UMAD1: variants seen among roughly 807,000 people sequenced by gnomAD.
UMAD1 encodes the protein UBAP1-MVB12-associated (UMA)-domain containing protein 1.
In UMAD1, 8 loss-of-function variants were observed where a neutral mutation model predicts 6.1. The observed-to-expected ratio is 1.30, with a 90% CI of 0.76 to 2.35. The LOEUF (loss-of-function observed/expected upper bound fraction) is 2.35, where lower values mean the gene tolerates loss of function less well. Among genes scored for constraint, UMAD1 ranks in the 30% most tolerant of loss-of-function variants. The pLI, the probability that UMAD1 is intolerant of heterozygous loss-of-function variation, is 0.00. For synonymous variants in UMAD1, 56 were observed against 31.4 expected (o/e 1.78, Z -2.61); for missense variants, 130 against 78.4 (o/e 1.66, Z -2.49).
At chr7:7,835,546 T>C (rs551819904) in intron 3 of UMAD1, among the ~76,000 whole-genome samples, 1 of 147,962 alleles carries the variant, frequency 6.8e-6, no homozygotes, top group East Asian at 2.0e-4. Context: ...CGTGGTCCTT[T>C]CTTGGGAAGT....
intron 2 of UMAD1, among the ~76,000 whole-genome samples, chr7:7,784,985 G>A (rs1782434599): frequency 1.3e-5 from 2 of 152,092 alleles, no homozygotes; most frequent in South Asian, 4.1e-4. Flanking sequence ...TCTTAGAAAG[G>A]TTCCCTAATT....
chr7:7,794,471 A>G (rs1404364184), intron 2 of UMAD1, among the ~76,000 whole-genome samples: 2 of 152,136 alleles, frequency 1.3e-5, no homozygotes, highest in African/African-American at 4.8e-5. Flanking sequence ...AAACCCCCAC[A>G]ACAGACTGAA....
At chr7:7,725,790 C>T (rs1781128080) in intron 2 of UMAD1, among the ~76,000 whole-genome samples, 1 of 152,202 alleles carries the variant, frequency 6.6e-6, no homozygotes, top group African/African-American at 2.4e-5. Context: ...CCTTCTCTTC[C>T]CCAGACTGCA....
rs775787320 is a variant in UMAD1, at chr7:7,867,981, C to T, written c.157-9300C>T. Among the ~76,000 whole-genome samples the T allele has an allele frequency of 3.6e-4, 55 of 151,986 alleles. 2 individuals carry two copies. Among genetic ancestry groups the T allele is most frequent in the Admixed American group, 7.9e-4 (12 of 15,270 alleles). ...AGAGCAGATAGAGGAGATCCTCACT[C>T]GGTGGTTGCTGTTTTCTCTGTGAAG... On this transcript the variant is annotated intron_variant, in intron 3 of 3. Transcript: ENST00000682710.
At chr7:7,744,818 A>C (rs1307064384) in intron 2 of UMAD1, among the ~76,000 whole-genome samples, 1 of 152,146 alleles carries the variant, frequency 6.6e-6, no homozygotes, top group Non-Finnish European at 1.5e-5. Flanking sequence ...TCTAGATACA[A>C]GCCTATTACC....
At chr7:7,743,677 CAT>C (rs1781515977) in intron 2 of UMAD1, among the ~76,000 whole-genome samples, 1 of 132,454 alleles carries the variant, frequency 7.5e-6, no homozygotes, top group Non-Finnish European at 1.6e-5. Flanking sequence ...AGCTAATATA[CAT>C]ATATGTGTAT....
At chr7:7,739,334 T>C (rs75720099) in intron 2 of UMAD1, among the ~76,000 whole-genome samples, 281 of 152,336 alleles carry the variant, frequency 1.8e-3, no homozygotes, top group African/African-American at 6.5e-3. Context: ...ATCATATTTT[T>C]AGTAAGTTAC....
At chr7:7,835,168 G>T (rs2115308400) in intron 3 of UMAD1, among the ~76,000 whole-genome samples, 1 of 152,212 alleles carries the variant, frequency 6.6e-6, no homozygotes, top group Admixed American at 6.5e-5. Flanking sequence ...ACTATGAGAA[G>T]TATATTAGTC....
chr7:7,645,415 G>T (rs764217655), intron 1 of UMAD1, among the ~76,000 whole-genome samples: 1 of 152,146 alleles, frequency 6.6e-6, no homozygotes, highest in Non-Finnish European at 1.5e-5. Flanking sequence ...GGTTCTTTCT[G>T]TCTTTCTGTA....
intron 2 of UMAD1, among the ~76,000 whole-genome samples, chr7:7,720,497 G>A (rs1191198664): frequency 2.6e-5 from 4 of 151,918 alleles, no homozygotes; most frequent in African/African-American, 9.7e-5. Context: ...TAGTATTATG[G>A]TACTATAGAC....
chr7:7,733,933 A>G (rs767627135), intron 2 of UMAD1, among the ~76,000 whole-genome samples: 2 of 152,106 alleles, frequency 1.3e-5, no homozygotes, highest in Non-Finnish European at 2.9e-5. Context: ...CTTTCAGATA[A>G]TCATGAGATT....
intron 3 of UMAD1, among the ~76,000 whole-genome samples, chr7:7,818,552 T>A (rs1783176861): frequency 6.6e-6 from 1 of 152,192 alleles, no homozygotes; most frequent in Non-Finnish European, 1.5e-5. Flanking sequence ...AGAGAATGCT[T>A]ATATACTGTT....
At chr7:7,700,325 G>A (rs1211223000) in intron 2 of UMAD1, among the ~76,000 whole-genome samples, 3 of 152,022 alleles carry the variant, frequency 2.0e-5, no homozygotes, top group African/African-American at 4.8e-5. Flanking sequence ...ACCTCCCAAA[G>A]GTCTCCTAAT....
At chr7:7,653,479 C>T (rs575678795) in intron 1 of UMAD1, among the ~76,000 whole-genome samples, 1 of 152,258 alleles carries the variant, frequency 6.6e-6, no homozygotes, top group East Asian at 1.9e-4. Context: ...AGGAAAAAAA[C>T]TGTGGTTTTC....
At chr7:7,698,573 T>C (rs1373898478) in intron 2 of UMAD1, among the ~76,000 whole-genome samples, 1 of 152,172 alleles carries the variant, frequency 6.6e-6, no homozygotes, top group Non-Finnish European at 1.5e-5. Context: ...TTTGTAGTAT[T>C]TCGTAGAACT....
intron 2 of UMAD1, among the ~76,000 whole-genome samples, chr7:7,787,646 C>G (rs938476411): frequency 3.9e-5 from 6 of 152,170 alleles, no homozygotes; most frequent in Non-Finnish European, 8.8e-5. Context: ...CCCATATTGT[C>G]TTGTCTACAG....
At chr7:7,806,063 C>G (rs1196248038) in intron 3 of UMAD1, among the ~76,000 whole-genome samples, 1 of 152,118 alleles carries the variant, frequency 6.6e-6, no homozygotes, top group East Asian at 1.9e-4. Context: ...GCCTAAATGT[C>G]ATTTTGACTC....
intron 3 of UMAD1, among the ~76,000 whole-genome samples, chr7:7,863,067 T>C (rs1438586567): frequency 1.3e-5 from 2 of 152,084 alleles, no homozygotes; most frequent in Non-Finnish European, 2.9e-5. Context: ...TTGTTAGAGA[T>C]TGCTTATGTA....
At chr7:7,716,888 A>ACACC (rs1780921956) in intron 2 of UMAD1, among the ~76,000 whole-genome samples, 1 of 151,962 alleles carries the variant, frequency 6.6e-6, no homozygotes. Flanking sequence ...GGAGCATGCT[A>ACACC]TGTAAATGGC....
Sources: gnomAD v4.1 joint callset for allele counts (sites outside exome capture counted in the v4.1 genomes callset) on GRCh38, gnomAD v4.1.1 for gene constraint, MANE v1.5 for transcripts, NCBI Gene and HGNC (gene_info 2026-07-23, HGNC 2026-07-21) for gene names.